C6orf58: variants seen among roughly 807,000 people sequenced by gnomAD.
C6orf58 encodes the protein chromosome 6 open reading frame 58.
In C6orf58, 30 loss-of-function variants were observed where a neutral mutation model predicts 37.0. The observed-to-expected ratio is 0.81, with a 90% CI of 0.61 to 1.10. The LOEUF (loss-of-function observed/expected upper bound fraction) is 1.10. Among genes scored for constraint, C6orf58 ranks in the 50% least tolerant of loss-of-function variants. C6orf58 has a pLI of 0.00. For missense variants in C6orf58, 368 were observed against 387.5 expected (o/e 0.95, Z 0.42); for synonymous variants, 143 against 134.1 (o/e 1.07, Z -0.46).
At chr6:127,587,899 G>C (rs1234774776) in intron 4 of C6orf58, among the ~76,000 whole-genome samples, 2 of 152,152 alleles carry the variant, frequency 1.3e-5, no homozygotes, top group Admixed American at 1.3e-4. Context: ...GATTTTAAAG[G>C]CAAATTGACA....
At chr6:127,583,235 G>A (rs1368696548) in intron 4 of C6orf58, among the ~76,000 whole-genome samples, 2 of 152,100 alleles carry the variant, frequency 1.3e-5, no homozygotes, top group African/African-American at 4.8e-5. Flanking sequence ...ATTGCACATG[G>A]AATATCAGTG....
rs1775046281 is a variant in C6orf58, at chr6:127,581,202, T to C, written c.594T>C (p.Ser198=). The C allele has an allele frequency of 6.6e-7, 1 of 1,508,052 alleles. No homozygotes were observed. The highest frequency in any genetic ancestry group is 1.4e-5 in the African/African-American group (1 of 71,364). The allele number at this position is 1,508,052 out of a possible 1,614,324, so 93.4% of individuals were successfully genotyped here. A position where few individuals can be genotyped will look rare whatever the true frequency, so the allele number is the denominator to read the frequency against. Residue 198 remains serine, a synonymous_variant, in exon 4 of 6, where the codon AGT becomes AGC. Coordinates refer to ENST00000329722, the MANE Select transcript of C6orf58 (RefSeq NM_001010905.3). ...CTTAGTATTTGCAGTCACCTTTTAG[T>C]AAGTTTGATGATCTGTTGAAGTACT... ...TFYQYLQSPF[S]KFDDLLKYLW...
chr6:127,591,720 C>A lies in C6orf58; in HGVS notation c.*98C>A, dbSNP rs1447469735. Reference sequence around the variant, plus strand: ...TTTCAAAAAATTAATGTCATCATGACCATGTAGTTTATTCTTTCTGATATT... The same window carrying A: ...TTTCAAAAAATTAATGTCATCATGAACATGTAGTTTATTCTTTCTGATATT... On this transcript the variant is annotated 3_prime_UTR_variant, in exon 6 of 6. Transcript: ENST00000329722. The A allele has an allele frequency of 1.9e-6, 2 of 1,046,068 alleles. No individual in the cohort carries two copies. The highest frequency in any genetic ancestry group is 1.7e-5 in the African/African-American group (1 of 60,012). The allele number at this position is 1,046,068 out of a possible 1,614,324, so 64.8% of individuals were successfully genotyped here.
Position 127,577,456 on chromosome 6 carries a change from C to A in C6orf58, c.271C>A (p.Pro91Thr). The change falls in exon 1 of 6, where the codon CCT becomes ACT. Residue 91 changes from proline to threonine, a missense_variant. Transcript: ENST00000329722. ...DNEQNILWGLPLQYGWQYRTG... is the reference protein window; with the variant it reads ...DNEQNILWGLTLQYGWQYRTG... ...TGAACAGAATATTTTATGGGGGTTG[C>A]CTCTGCAGTATGGCTGGCAATATAG... 2 of 1,613,516 alleles carry A rather than the reference C, an allele frequency of 1.2e-6. No homozygotes were observed. Among genetic ancestry groups the A allele is most frequent in the Non-Finnish European group, 1.7e-6 (2 of 1,179,624 alleles).
intron 4 of C6orf58, among the ~76,000 whole-genome samples, chr6:127,586,089 A>G (rs1775103280): frequency 6.6e-6 from 1 of 152,218 alleles, no homozygotes; most frequent in African/African-American, 2.4e-5. Context: ...ACACTAGGAA[A>G]CAAGCAATTG....
intron 4 of C6orf58, among the ~76,000 whole-genome samples, chr6:127,589,855 A>T (rs930644439): frequency 6.6e-6 from 1 of 152,168 alleles, no homozygotes; most frequent in African/African-American, 2.4e-5. Flanking sequence ...ATAAAATGCA[A>T]TGTAAAATGT....
chr6:127,588,791 T>G (rs1315407190), intron 4 of C6orf58, among the ~76,000 whole-genome samples: 1 of 152,208 alleles, frequency 6.6e-6, no homozygotes, highest in African/African-American at 2.4e-5. Context: ...TCTGACTTAC[T>G]TCCAATTTGT....
intron 5 of C6orf58, among the ~76,000 whole-genome samples, chr6:127,590,687 AAATG>A (rs1775153325): frequency 6.6e-6 from 1 of 152,152 alleles, no homozygotes; most frequent in Non-Finnish European, 1.5e-5. Flanking sequence ...TATTTAAAGA[AAATG>A]AAGACATTTC....
intron 4 of C6orf58, among the ~76,000 whole-genome samples, chr6:127,589,865 T>C (rs181962237): frequency 6.6e-6 from 1 of 152,264 alleles, no homozygotes; most frequent in African/African-American, 2.4e-5. Flanking sequence ...ATGTAAAATG[T>C]AAACAATTAG....
In C6orf58 at chr6:127,591,750, A is replaced by G. The variant is rs1001197838; in HGVS notation, c.*128A>G. On this transcript the variant is annotated 3_prime_UTR_variant, in exon 6 of 6. Coordinates refer to ENST00000329722, the MANE Select transcript of C6orf58 (RefSeq NM_001010905.3). ...TAGTTTATTCTTTCTGATATTTTTGATTTATGCTTATTTGTTAAGATCTTG... is the reference window on the plus strand; with the variant it reads ...TAGTTTATTCTTTCTGATATTTTTGGTTTATGCTTATTTGTTAAGATCTTG... The G allele has an allele frequency of 2.5e-6, 2 of 811,964 alleles. No homozygotes were observed. The allele number at this position is 811,964 out of a possible 1,614,324, so 50.3% of individuals were successfully genotyped here.
At chr6:127,581,810 T>C (rs1775053773) in intron 4 of C6orf58, among the ~76,000 whole-genome samples, 1 of 152,158 alleles carries the variant, frequency 6.6e-6, no homozygotes, top group Non-Finnish European at 1.5e-5. Context: ...TTGCCTCATT[T>C]GGACATAGTG....
At chr6:127,577,670 G>T (rs913655846) in intron 1 of C6orf58, among the ~76,000 whole-genome samples, 184 bp downstream of exon 1, 2 of 151,866 alleles carry the variant, frequency 1.3e-5, no homozygotes, top group South Asian at 4.1e-4. Context: ...CTTCTTTTGT[G>T]GGTTGTGTGT....
chr6:127,588,242 G>C (rs946891509), intron 4 of C6orf58, among the ~76,000 whole-genome samples: 4 of 152,184 alleles, frequency 2.6e-5, no homozygotes, highest in Non-Finnish European at 5.9e-5. Flanking sequence ...TGTATTTCAA[G>C]TTTATGCTAT....
chr6:127,579,239 T>C (rs1046778379), intron 2 of C6orf58, among the ~76,000 whole-genome samples: 23 of 152,150 alleles, frequency 1.5e-4, no homozygotes, highest in African/African-American at 5.5e-4. Flanking sequence ...GCTTTAATCA[T>C]ATACTTAATG....
At chr6:127,591,438 A>T in intron 5 of C6orf58, 105 bp from the exon 6 acceptor site, 1 of 1,018,870 alleles carries the variant, frequency 9.8e-7, no homozygotes, top group Non-Finnish European at 1.4e-6. Flanking sequence ...TTTACCATTA[A>T]ATTAGTAGAA....
At chr6:127,582,796 G>A (rs569333396) in intron 4 of C6orf58, among the ~76,000 whole-genome samples, 6 of 152,088 alleles carry the variant, frequency 3.9e-5, no homozygotes, top group Non-Finnish European at 8.8e-5. Flanking sequence ...GGAGTGACAG[G>A]AGTACTCTTG....
intron 4 of C6orf58, among the ~76,000 whole-genome samples, chr6:127,585,278 A>C (rs1775095613): frequency 6.6e-6 from 1 of 152,188 alleles, no homozygotes; most frequent in South Asian, 2.1e-4. Context: ...AAAGCCCCAA[A>C]ATTAATTTGA....
Position 127,577,841 on chromosome 6 carries a change from A to G in C6orf58, c.301+355A>G, listed in dbSNP as rs576744728. Among the ~76,000 whole-genome samples the G allele has an allele frequency of 1.1e-4, 16 of 152,292 alleles. No individual in the cohort carries two copies. In the East Asian group the frequency reaches 3.1e-3, roughly 29 times the overall value. On this transcript the variant is annotated intron_variant, in intron 1 of 5. Transcript: ENST00000329722. ...GAACAAAACAGTCAAGGGGATATAC[A>G]AAGTGATGTCCAATTAGTTTGAATT...
chr6:127,581,169 C>A lies in C6orf58; in HGVS notation c.574-13C>A, dbSNP rs373342049. On this transcript the variant is annotated splice_polypyrimidine_tract_variant and intron_variant, in intron 3 of 5. Transcript: ENST00000329722. ...TTGCTCAAATATTAATAAATTTGAC[C>A]TCTTTACCTTAGTATTTGCAGTCAC... 67 of 1,313,268 alleles carry A rather than the reference C, an allele frequency of 5.1e-5. No individual in the cohort carries two copies. Among genetic ancestry groups the A allele is most frequent in the Non-Finnish European group, 6.7e-5 (64 of 962,170 alleles). 81.4% of individuals were successfully genotyped at this position (1,313,268 alleles called of 1,614,324 possible). A position where few individuals can be genotyped will look rare whatever the true frequency, so the allele number is the denominator to read the frequency against.
Sources: allele counts gnomAD v4.1 joint callset (sites outside exome capture counted in the v4.1 genomes callset), GRCh38; gene constraint gnomAD v4.1.1; transcripts MANE v1.5; gene names NCBI Gene and HGNC (gene_info 2026-07-23, HGNC 2026-07-21).